Variants in ACYP2 observed in about 807,000 individuals in gnomAD.
The protein encoded by ACYP2 is acylphosphatase 2, also known as acylphosphatase-2.
A neutral mutation model predicts 11.2 loss-of-function variants in ACYP2; 12 were observed. The ratio of observed to expected loss-of-function variants is 1.08; its 90% CI spans 0.69 to 1.74. ACYP2 has a LOEUF of 1.74. Ranked by LOEUF, ACYP2 falls within the 40% of genes most tolerant of loss-of-function variation. The pLI is 0.00. For missense variants in ACYP2, 134 were observed against 101.9 expected (o/e 1.31, Z -1.35); for synonymous variants, 43 against 32.2 (o/e 1.33, Z -1.13).
At chr2:54,242,984 T>G (rs1198977206) in intron 6 of ACYP2, among the ~76,000 whole-genome samples, 1 of 152,224 alleles carries the variant, frequency 6.6e-6, no homozygotes, top group East Asian at 1.9e-4. Context: ...TTTGGTTACA[T>G]CTTTTTTCTT....
At chr2:54,177,907 T>TA (rs1553385884) in intron 6 of ACYP2, among the ~76,000 whole-genome samples, 4 of 83,526 alleles carry the variant, frequency 4.8e-5, no homozygotes, top group Non-Finnish European at 1.1e-4. Flanking sequence ...CTTTCTTTAT[T>TA]TTTTTTTTTT....
intron 6 of ACYP2, among the ~76,000 whole-genome samples, chr2:54,297,032 C>A (rs1240698285): frequency 6.6e-6 from 1 of 152,034 alleles, no homozygotes; most frequent in Non-Finnish European, 1.5e-5. Flanking sequence ...ATTGAGTAAG[C>A]TAAACTAATA....
chr2:53,989,555 T>C (rs563206128), intron 2 of ACYP2, among the ~76,000 whole-genome samples: 77 of 152,296 alleles, frequency 5.1e-4, no homozygotes, highest in African/African-American at 1.8e-3. Flanking sequence ...ACTTGCTAGA[T>C]TCGGGACATC....
At chr2:54,033,260 TA>T (rs1674688574) in intron 2 of ACYP2, among the ~76,000 whole-genome samples, 1 of 151,334 alleles carries the variant, frequency 6.6e-6, no homozygotes, top group African/African-American at 2.4e-5. Flanking sequence ...CACAGTGGTC[TA>T]ACCAAGGCTC....
intron 6 of ACYP2, among the ~76,000 whole-genome samples, chr2:54,146,370 T>C (rs1572853488): frequency 6.6e-6 from 1 of 152,282 alleles, no homozygotes; most frequent in East Asian, 1.9e-4. Flanking sequence ...TGTTTTTTCT[T>C]TGACAATTTC....
chr2:53,973,883 G>GTATATATATATATATTTTTTTTTTTTTTT (rs1671314677), intron 2 of ACYP2: 1 of 123,876 alleles, frequency 8.1e-6, no homozygotes, highest in African/African-American at 4.0e-5. Flanking sequence ...GTGTGTGTGT[G>GTATATATATATATATTTTTTTTTTTTTTT]TGTGTGTGTG....
intron 6 of ACYP2, chr2:54,143,400 A>G (rs1192686045): frequency 6.6e-6 from 1 of 152,068 alleles, no homozygotes; most frequent in Non-Finnish European, 1.5e-5. Context: ...TTTATTTAGA[A>G]CTTTTGTATA....
At chr2:54,188,846 G>A (rs1013582610) in intron 6 of ACYP2, among the ~76,000 whole-genome samples, 3 of 152,086 alleles carry the variant, frequency 2.0e-5, no homozygotes, top group South Asian at 2.1e-4. Flanking sequence ...TCACACTCCC[G>A]TTCCCAGCCT....
At chr2:54,217,808 G>A (rs771380309) in intron 6 of ACYP2, among the ~76,000 whole-genome samples, 1 of 152,186 alleles carries the variant, frequency 6.6e-6, no homozygotes, top group African/African-American at 2.4e-5. Context: ...TTAGCAGGAT[G>A]TGAAAGGGAG....
chr2:54,044,548 C>T (rs778462380), intron 2 of ACYP2, among the ~76,000 whole-genome samples: 4 of 151,876 alleles, frequency 2.6e-5, no homozygotes, highest in Admixed American at 2.6e-4. Flanking sequence ...GATTACACCA[C>T]TGCACTCCAG....
intron 2 of ACYP2, among the ~76,000 whole-genome samples, chr2:54,000,764 C>G (rs142299942): frequency 5.3e-5 from 8 of 152,310 alleles, no homozygotes; most frequent in African/African-American, 1.9e-4. Flanking sequence ...TAGAACACAT[C>G]TTTTCCACTT....
At chr2:54,204,150 A>G (rs1340990881) in intron 6 of ACYP2, among the ~76,000 whole-genome samples, 2 of 152,110 alleles carry the variant, frequency 1.3e-5, no homozygotes, top group Non-Finnish European at 2.9e-5. Context: ...ATGTGCCACC[A>G]TGCCCAGCTA....
chr2:54,300,336 C>T (rs544655958), intron 6 of ACYP2, among the ~76,000 whole-genome samples: 1 of 152,296 alleles, frequency 6.6e-6, no homozygotes, highest in African/African-American at 2.4e-5. Context: ...GATTCAGTCC[C>T]CCAGAAGCCA....
intron 6 of ACYP2, chr2:54,255,802 C>T (rs1242557444): frequency 1.9e-6 from 3 of 1,613,906 alleles, no homozygotes; most frequent in African/African-American, 1.3e-5. Flanking sequence ...CGTCTCTTCA[C>T]CCGGAAAGCC....
intron 2 of ACYP2, among the ~76,000 whole-genome samples, chr2:53,989,887 A>G (rs1005200783): frequency 3.3e-5 from 5 of 149,598 alleles, no homozygotes; most frequent in African/African-American, 1.2e-4. Flanking sequence ...TGTTCCTGCC[A>G]CTCCTACTCC....
In ACYP2 at chr2:54,063,103, A is replaced by G. The variant is rs115837838; in HGVS notation, c.277+5743A>G. Reference sequence around the variant, plus strand: ...AATCTCTGACCTTGAGGAAATTACAATCCAGTGGGGAAGATAGAAAATAAT... The same window carrying G: ...AATCTCTGACCTTGAGGAAATTACAGTCCAGTGGGGAAGATAGAAAATAAT... On this transcript the variant is annotated intron_variant, in intron 4 of 6. Transcript: ENST00000607452. 6.9e-3 allele frequency among the ~76,000 whole-genome samples: 1,050 copies of G among 152,190 alleles called. 8 individuals are homozygous for G. Among genetic ancestry groups the G allele is most frequent in the African/African-American group, 0.024 (1,001 of 41,518 alleles).
chr2:54,154,802 AG>A (rs1254862455), intron 6 of ACYP2, among the ~76,000 whole-genome samples: 6 of 152,252 alleles, frequency 3.9e-5, no homozygotes, highest in Admixed American at 6.5e-5. Context: ...AGAGTTCAAA[AG>A]TATTACATCC....
intron 6 of ACYP2, chr2:54,255,856 TC>T (rs755574483): frequency 6.2e-7 from 1 of 1,614,072 alleles, no homozygotes; most frequent in East Asian, 2.2e-5. Context: ...AGAGGCCGCT[TC>T]TAGGCCCTCC....
At chr2:54,134,493 C>T (rs1400123595) in intron 4 of ACYP2, among the ~76,000 whole-genome samples, 1 of 152,018 alleles carries the variant, frequency 6.6e-6, no homozygotes, top group African/African-American at 2.4e-5. Context: ...TTGAGGACAG[C>T]TAAATTTTAT....
Sources: gnomAD v4.1 joint callset for allele counts (sites outside exome capture counted in the v4.1 genomes callset) on GRCh38, gnomAD v4.1.1 for gene constraint, MANE v1.5 for transcripts, NCBI Gene and HGNC (gene_info 2026-07-23, HGNC 2026-07-21) for gene names.